Variants in TRIQK observed in about 807,000 individuals in gnomAD.
TRIQK encodes triple QxxK/R motif containing.
In TRIQK, 10 loss-of-function variants were observed where a neutral mutation model predicts 10.8. The ratio of observed to expected loss-of-function variants is 0.92; its 90% CI spans 0.57 to 1.57. TRIQK has a LOEUF of 1.57. Ranked by LOEUF, TRIQK falls within the 40% of genes most tolerant of loss-of-function variation. TRIQK has a pLI of 0.00. For synonymous variants in TRIQK, 33 were observed against 33.7 expected, an observed-to-expected ratio of 0.98 and a Z score of 0.07; for missense variants, 107 against 97.7, an observed-to-expected ratio of 1.09 and a Z score of -0.40.
At chr8:92,945,803 ATTAAG>A (rs1811501715) in intron 2 of TRIQK, among the ~76,000 whole-genome samples, 1 of 152,198 alleles carries the variant, frequency 6.6e-6, no homozygotes, top group African/African-American at 2.4e-5. Flanking sequence ...TTAATTATCA[ATTAAG>A]TTATTTTAAA....
chr8:92,919,258 G>A lies in TRIQK; in HGVS notation c.-21-2248C>T, dbSNP rs1288691953. On this transcript the variant is annotated intron_variant, in intron 2 of 4. Coordinates refer to ENST00000521988, the MANE Select transcript of TRIQK (RefSeq NM_001171797.2). ...GATTGTTCTTTAGGATTTTTGTGGA[G>A]AATGTCATTGGTATTTTGATAGAGA... Among the ~76,000 whole-genome samples the A allele has an allele frequency of 3.9e-5, 6 of 152,006 alleles. No individual in the cohort carries two copies. In the East Asian group the frequency reaches 1.2e-3, roughly 29 times the overall value.
At chr8:92,888,585 T>G (rs1010433559) in intron 4 of TRIQK, among the ~76,000 whole-genome samples, 1 of 151,512 alleles carries the variant, frequency 6.6e-6, no homozygotes, top group African/African-American at 2.4e-5. Flanking sequence ...GATGGTAAAA[T>G]TTGAAAATAA....
intron 2 of TRIQK, among the ~76,000 whole-genome samples, chr8:92,940,334 TAAAA>T (rs56063230): frequency 1.5e-5 from 2 of 130,370 alleles, no homozygotes. Context: ...ATAGATTTAA[TAAAA>T]AAAAAAAAAA....
At chr8:92,896,121 G>A (rs1476004515) in intron 3 of TRIQK, among the ~76,000 whole-genome samples, 3 of 152,190 alleles carry the variant, frequency 2.0e-5, no homozygotes, top group Non-Finnish European at 4.4e-5. Flanking sequence ...CATCTCCAGA[G>A]AGGCTTCCAG....
chr8:92,923,217 T>A (rs1810274118), intron 2 of TRIQK, among the ~76,000 whole-genome samples: 1 of 151,762 alleles, frequency 6.6e-6, no homozygotes, highest in Non-Finnish European at 1.5e-5. Context: ...CATCATTCAT[T>A]TCTATTGCTT....
At chr8:92,915,896 G>C (rs1443505239) in intron 3 of TRIQK, among the ~76,000 whole-genome samples, 1 of 151,878 alleles carries the variant, frequency 6.6e-6, no homozygotes, top group African/African-American at 2.4e-5. Flanking sequence ...TTGCTTTATA[G>C]AGCGTACTTT....
intron 1 of TRIQK, among the ~76,000 whole-genome samples, chr8:92,997,512 A>G (rs1165178292): frequency 1.3e-5 from 2 of 152,064 alleles, no homozygotes; most frequent in Non-Finnish European, 2.9e-5. Flanking sequence ...ACGTCATTTT[A>G]AATGCAACTC....
intron 1 of TRIQK, among the ~76,000 whole-genome samples, chr8:93,011,639 A>G (rs561339661): frequency 6.6e-6 from 1 of 152,246 alleles, no homozygotes; most frequent in South Asian, 2.1e-4. Context: ...TGGAGAAAAA[A>G]CATATGAGTA....
At chr8:92,992,324 C>T (rs967727818) in intron 1 of TRIQK, among the ~76,000 whole-genome samples, 6 of 152,108 alleles carry the variant, frequency 3.9e-5, no homozygotes, top group African/African-American at 1.4e-4. Context: ...GAAGCAAAAC[C>T]CTCTGCCTCT....
chr8:92,930,534 T>C (rs1810666402), intron 2 of TRIQK, among the ~76,000 whole-genome samples: 1 of 151,908 alleles, frequency 6.6e-6, no homozygotes, highest in East Asian at 1.9e-4. Context: ...CATCTACAAT[T>C]ATGATGTAAA....
At chr8:92,894,283 G>A (rs1233085988) in intron 3 of TRIQK, among the ~76,000 whole-genome samples, 1 of 152,076 alleles carries the variant, frequency 6.6e-6, no homozygotes, top group Non-Finnish European at 1.5e-5. Context: ...AACATTTACA[G>A]GAGTGTCTGG....
chr8:92,892,145 C>A, intron 3 of TRIQK, 71 bp from the exon 4 acceptor site: 1 of 1,096,622 alleles, frequency 9.1e-7, no homozygotes, highest in South Asian at 1.5e-5. Context: ...TTTGAAATGT[C>A]AAAGAATGTT....
chr8:92,999,714 T>C (rs866000926), intron 1 of TRIQK, among the ~76,000 whole-genome samples: 1 of 152,212 alleles, frequency 6.6e-6, no homozygotes, highest in Admixed American at 6.5e-5. Flanking sequence ...ATTATTTTCA[T>C]TGTTGACCAG....
intron 1 of TRIQK, among the ~76,000 whole-genome samples, chr8:92,961,025 GT>G (rs1418408868): frequency 6.6e-6 from 1 of 152,110 alleles, no homozygotes; most frequent in Non-Finnish European, 1.5e-5. Flanking sequence ...TAGAAGCCAT[GT>G]ATTCTTGAAT....
Position 92,966,119 on chromosome 8 carries a change from C to G in TRIQK, c.-293G>C, listed in dbSNP as rs1463969559. ...GGGACAAGCCAGCCGCACACCCCTA[C>G]TCCCAAAGGGTGAGGCGGAAAAGAG... On this transcript the variant is annotated 5_prime_UTR_variant, in exon 1 of 5. Transcript: ENST00000521988. 1.3e-5 allele frequency: 2 copies of G among 152,432 alleles called. No homozygotes were observed. The highest frequency in any genetic ancestry group is 4.8e-5 in the African/African-American group (2 of 41,480). 9.4% of individuals were successfully genotyped at this position (152,432 alleles called of 1,614,324 possible).
In TRIQK at chr8:92,886,711, T is replaced by C; in HGVS notation, c.172A>G (p.Ile58Val). 1.3e-6 allele frequency: 2 copies of C among 1,532,006 alleles called. No homozygotes were observed. The highest frequency in any genetic ancestry group is 8.7e-7 in the Non-Finnish European group (1 of 1,143,230). The allele number at this position is 1,532,006 out of a possible 1,614,324, so 94.9% of individuals were successfully genotyped here. Residue 58 changes from isoleucine (I) to valine (V), a missense_variant, in exon 5 of 5, where the codon ATA becomes GTA. Ile to Val is a conservative substitution (Grantham distance 29). Transcript: ENST00000521988. Reference sequence around the variant, plus strand: ...TAGAAAGCCAGTAGTAGTGCCAATATAGCTGCAAGTACAAGGCCAACTTCC... The same window carrying C: ...TAGAAAGCCAGTAGTAGTGCCAATACAGCTGCAAGTACAAGGCCAACTTCC... ...IKEVGLVLAA[I>V]LALLLAFYAF...
chr8:92,995,527 A>C, intron 1 of TRIQK, among the ~76,000 whole-genome samples: 1 of 151,598 alleles, frequency 6.6e-6, no homozygotes, highest in South Asian at 2.1e-4. Context: ...ATCCTATGAG[A>C]TTTTTATCAT....
At chr8:92,935,420 T>C (rs1810936726) in intron 2 of TRIQK, among the ~76,000 whole-genome samples, 1 of 151,702 alleles carries the variant, frequency 6.6e-6, no homozygotes, top group Admixed American at 6.6e-5. Context: ...ATATTCTGTT[T>C]TGTGCACGTT....
intron 3 of TRIQK, among the ~76,000 whole-genome samples, chr8:92,904,389 T>C (rs973573920): frequency 2.0e-5 from 3 of 152,314 alleles, no homozygotes; most frequent in Admixed American, 6.5e-5. Flanking sequence ...AGGTTGACTA[T>C]ATGATGAATA....
Sources: allele counts gnomAD v4.1 joint callset (sites outside exome capture counted in the v4.1 genomes callset), GRCh38; gene constraint gnomAD v4.1.1; transcripts MANE v1.5; gene names NCBI Gene and HGNC (gene_info 2026-07-23, HGNC 2026-07-21).